MAD1L1: variants seen among roughly 807,000 people sequenced by gnomAD.
MAD1L1 encodes mitotic spindle assembly checkpoint protein MAD1.
In MAD1L1, 95 loss-of-function variants were observed where a neutral mutation model predicts 96.9. The observed-to-expected ratio is 0.98, with a 90% CI of 0.83 to 1.16. The LOEUF (loss-of-function observed/expected upper bound fraction) is 1.16, where lower values mean the gene tolerates loss of function less well. MAD1L1 is among the 50% of genes most tolerant of loss of function. MAD1L1 has a pLI of 0.00. For missense variants in MAD1L1, 1,007 were observed against 954.4 expected, an observed-to-expected ratio of 1.06 and a Z score of -0.73; for synonymous variants, 473 against 396.6, an observed-to-expected ratio of 1.19 and a Z score of -2.29.
At position 2,088,576 on chromosome 7, in the gene MAD1L1, G is replaced by C. The variant is rs62442989; in HGVS notation, c.1074-19238C>G. ...TCTCCCTGGGAGGCCGGGGAGATCA[G>C]GACGGTGTGGCACAGCCTGGGGCAC... On this transcript the variant is annotated intron_variant, in intron 11 of 18. Transcript: ENST00000265854. This position sits in a 1 kb window ranked among gnomAD's most constrained non-coding sequence, Gnocchi z 4.4. Among the ~76,000 whole-genome samples, 7,596 of 152,298 alleles carry C rather than the reference G, an allele frequency of 0.05. 295 individuals carry two copies. Among genetic ancestry groups the C allele is most frequent in the Non-Finnish European group, 0.066 (4,507 of 68,024 alleles).
intron 13 of MAD1L1, among the ~76,000 whole-genome samples, chr7:2,002,530 G>A (rs372741117): frequency 7.2e-5 from 11 of 152,242 alleles, no homozygotes; most frequent in African/African-American, 2.4e-4. Flanking sequence ...TGGCAGGCTC[G>A]TGCTTAAAGA....
chr7:1,942,443 G>A (rs1344030753), intron 16 of MAD1L1, among the ~76,000 whole-genome samples: 2 of 152,206 alleles, frequency 1.3e-5, no homozygotes, highest in African/African-American at 4.8e-5. Flanking sequence ...CGGAGCCCGC[G>A]CGCCACACAT....
chr7:1,820,692 A>G (rs1562424093), intron 18 of MAD1L1, among the ~76,000 whole-genome samples: 1 of 152,062 alleles, frequency 6.6e-6, no homozygotes. Context: ...GTAGTGAGCT[A>G]TGATCACACC....
intron 10 of MAD1L1, among the ~76,000 whole-genome samples, chr7:2,203,451 C>G (rs529530796): frequency 6.6e-6 from 1 of 152,218 alleles, no homozygotes; most frequent in Non-Finnish European, 1.5e-5. Flanking sequence ...TTCGGGAGGG[C>G]GGTGTGGCAC....
chr7:2,046,968 AC>A (rs1435282133), intron 12 of MAD1L1, among the ~76,000 whole-genome samples: 2 of 152,196 alleles, frequency 1.3e-5, no homozygotes, highest in Admixed American at 6.5e-5. Flanking sequence ...CTCACAGACG[AC>A]AAAGGAAACT....
At chr7:1,900,219 A>T (rs757659932) in intron 17 of MAD1L1, among the ~76,000 whole-genome samples, 5 of 152,176 alleles carry the variant, frequency 3.3e-5, no homozygotes, top group Admixed American at 6.5e-5. Flanking sequence ...GCTCACAGAG[A>T]CTCGCTGCTT....
At chr7:1,992,324 GA>G (rs146672933) in intron 14 of MAD1L1, among the ~76,000 whole-genome samples, 5,190 of 152,378 alleles carry the variant, frequency 0.034, 188 homozygotes, top group Admixed American at 0.097. Context: ...AAGGGCTCCA[GA>G]ACCTTCACTG....
intron 11 of MAD1L1, among the ~76,000 whole-genome samples, chr7:2,094,900 C>T (rs1319083873): frequency 6.6e-6 from 1 of 152,188 alleles, no homozygotes; most frequent in Non-Finnish European, 1.5e-5. Context: ...ACGCTGTTTC[C>T]TGACCGGGTG....
intron 18 of MAD1L1, among the ~76,000 whole-genome samples, chr7:1,888,133 C>T (rs1299697633): frequency 4.4e-5 from 6 of 136,166 alleles, no homozygotes; most frequent in African/African-American, 8.3e-5. Flanking sequence ...GCATTGTGTG[C>T]ATGTGGCTGC....
At chr7:2,043,852 G>A (rs1234042345) in intron 12 of MAD1L1, among the ~76,000 whole-genome samples, 1 of 152,248 alleles carries the variant, frequency 6.6e-6, no homozygotes, top group East Asian at 1.9e-4. Flanking sequence ...CAGGGCTACT[G>A]AACAGGGCCA....
At chr7:2,174,518 C>T (rs1790857214) in intron 10 of MAD1L1, among the ~76,000 whole-genome samples, 1 of 152,182 alleles carries the variant, frequency 6.6e-6, no homozygotes, top group Non-Finnish European at 1.5e-5. Context: ...ATGCTGTCCT[C>T]CCCGCCGTTT....
At position 2,134,326 on chromosome 7, in the gene MAD1L1, G is replaced by T. The variant is rs191835559; in HGVS notation, c.1073+14826C>A. ...CTGGTACACAGGAAAGCAGCTGACGGCGTGTATGGCCCATACCCTGCTCTC... is the reference window on the plus strand; with the variant it reads ...CTGGTACACAGGAAAGCAGCTGACGTCGTGTATGGCCCATACCCTGCTCTC... On this transcript the variant is annotated intron_variant, in intron 11 of 18. Coordinates refer to ENST00000265854, the MANE Select transcript of MAD1L1 (RefSeq NM_001013836.2). Among the ~76,000 whole-genome samples the T allele has an allele frequency of 7.3e-4, 111 of 152,262 alleles. 1 individual carries two copies. Among genetic ancestry groups the T allele is most frequent in the Middle Eastern group, 3.4e-3 (1 of 294 alleles).
intron 11 of MAD1L1, among the ~76,000 whole-genome samples, chr7:2,091,938 C>A (rs1457222762): frequency 6.6e-6 from 1 of 152,152 alleles, no homozygotes. Context: ...ATGAATAAAC[C>A]TGCTATAAAC....
In MAD1L1 at chr7:2,015,965, C is replaced by A. The variant is rs150512682; in HGVS notation, c.1219-1323G>T. ...ATGAGGATGCTGGGGTAGTAGAGCC[C>A]AGGAAGAAGCGGATGGGTATCTATA... On this transcript the variant is annotated intron_variant, in intron 12 of 18. Coordinates refer to ENST00000265854, the MANE Select transcript of MAD1L1 (RefSeq NM_001013836.2). Among the ~76,000 whole-genome samples, 24 of 152,306 alleles carry A rather than the reference C, an allele frequency of 1.6e-4. 1 individual carries two copies. The highest frequency in any genetic ancestry group is 5.3e-4 in the African/African-American group (22 of 41,562).
At chr7:1,971,180 G>A (rs911338973) in intron 15 of MAD1L1, among the ~76,000 whole-genome samples, 109 of 152,304 alleles carry the variant, frequency 7.2e-4, no homozygotes, top group African/African-American at 2.6e-3. Flanking sequence ...TGCCATGCGG[G>A]GCCCACAGTG....
intron 18 of MAD1L1, among the ~76,000 whole-genome samples, chr7:1,876,801 C>A (rs1470326016): frequency 1.3e-5 from 2 of 150,068 alleles, no homozygotes; most frequent in East Asian, 4.0e-4. Context: ...GCCCCAGAGC[C>A]CCTGCCAGGG....
chr7:2,170,042 C>T (rs1400784293), intron 10 of MAD1L1, among the ~76,000 whole-genome samples: 3 of 152,302 alleles, frequency 2.0e-5, no homozygotes, highest in South Asian at 2.1e-4. Context: ...CCCTGCCTCC[C>T]GGACTCGTGC....
chr7:2,201,871 G>A (rs1010814050), intron 10 of MAD1L1: 6 of 152,312 alleles, frequency 3.9e-5, no homozygotes, highest in South Asian at 2.1e-4. Flanking sequence ...GCCCAAGGGC[G>A]GCGTGAGCCT....
At chr7:2,118,533 C>G (rs6955377) in intron 11 of MAD1L1, among the ~76,000 whole-genome samples, 5 of 152,188 alleles carry the variant, frequency 3.3e-5, no homozygotes, top group African/African-American at 1.2e-4. Context: ...AAGATACACA[C>G]TACTCAACAC....
Sources: allele counts gnomAD v4.1 joint callset (sites outside exome capture counted in the v4.1 genomes callset), GRCh38; gene constraint gnomAD v4.1.1; non-coding constraint Gnocchi (gnomAD v3.1); transcripts MANE v1.5; gene names NCBI Gene and HGNC (gene_info 2026-07-23, HGNC 2026-07-21).